ADK: variants seen among roughly 807,000 people sequenced by gnomAD.
ADK encodes the protein N6,N6-dimethyladenosine kinase.
A neutral mutation model predicts 44.7 loss-of-function variants in ADK; 24 were observed. That is an observed-to-expected ratio of 0.54 (90% CI 0.39 to 0.76). The LOEUF (loss-of-function observed/expected upper bound fraction) is 0.76, where lower values mean the gene tolerates loss of function less well. Ranked by LOEUF, ADK falls within the 30% of genes least tolerant of loss-of-function variation. ADK has a pLI of 0.00. For synonymous variants in ADK, 128 were observed against 142.6 expected (o/e 0.90, Z 0.73); for missense variants, 321 against 425.1 (o/e 0.76, Z 2.15).
At chr10:74,620,908 T>C (rs372811331) in intron 9 of ADK, among the ~76,000 whole-genome samples, 21 of 152,224 alleles carry the variant, frequency 1.4e-4, no homozygotes, top group South Asian at 1.2e-3. Context: ...TTTATTTGTT[T>C]GTTTGTTTTT....
intron 6 of ADK, among the ~76,000 whole-genome samples, chr10:74,487,546 C>A (rs1432834883): frequency 2.0e-5 from 3 of 150,946 alleles, no homozygotes; most frequent in Non-Finnish European, 4.4e-5. Context: ...TTTAACCCAT[C>A]TTATTTTGAG....
chr10:74,550,263 G>A (rs1025593252), intron 7 of ADK, among the ~76,000 whole-genome samples: 1 of 151,742 alleles, frequency 6.6e-6, no homozygotes, highest in Non-Finnish European at 1.5e-5. Flanking sequence ...TAGAGACAGG[G>A]TTTCACTGTG....
At chr10:74,529,521 G>A (rs1380135181) in intron 7 of ADK, among the ~76,000 whole-genome samples, 4 of 152,078 alleles carry the variant, frequency 2.6e-5, no homozygotes, top group African/African-American at 9.7e-5. Flanking sequence ...CATATGTATA[G>A]TTTACCACAA....
intron 10 of ADK, among the ~76,000 whole-genome samples, chr10:74,683,735 A>C (rs976438033): frequency 2.0e-5 from 3 of 152,268 alleles, no homozygotes; most frequent in African/African-American, 7.2e-5. Context: ...TATTCAATTG[A>C]AACAAGTAAC....
At chr10:74,402,690 A>T (rs1012019551) in intron 6 of ADK, among the ~76,000 whole-genome samples, 9 of 152,124 alleles carry the variant, frequency 5.9e-5, no homozygotes, top group African/African-American at 2.2e-4. Flanking sequence ...GGGTTCGAAC[A>T]TCCTCCTTTA....
intron 7 of ADK, among the ~76,000 whole-genome samples, chr10:74,534,268 G>C (rs1298005491): frequency 1.3e-5 from 2 of 152,114 alleles, no homozygotes; most frequent in African/African-American, 4.8e-5. Flanking sequence ...TTGTATGTCA[G>C]TTATACCTCA....
chr10:74,353,221 T>C (rs1243104398), intron 4 of ADK, among the ~76,000 whole-genome samples: 1 of 152,070 alleles, frequency 6.6e-6, no homozygotes, highest in Non-Finnish European at 1.5e-5. Flanking sequence ...TGGAATACTA[T>C]GCAGCCATAA....
rs1320423491 is a variant in ADK at position 74,301,652 on chromosome 10, G to T, written c.195-13015G>T. 9.2e-5 allele frequency among the ~76,000 whole-genome samples: 14 copies of T among 151,602 alleles called. No individual in the cohort carries two copies. The East Asian group carries it at 2.5e-3, about 27-fold the overall frequency. ...GTTATTAATATTCCTAAATTTGTCA[G>T]TAAAAGTTTTTTGTTTTATAAGTAC... On this transcript the variant is annotated intron_variant, in intron 3 of 10. Transcript: ENST00000539909.
intron 6 of ADK, among the ~76,000 whole-genome samples, chr10:74,470,603 T>C (rs1255894212): frequency 6.6e-6 from 1 of 152,234 alleles, no homozygotes; most frequent in Non-Finnish European, 1.5e-5. Context: ...TTGAAAAATA[T>C]CTATTCAAGC....
chr10:74,200,156 G>GTTTTT (rs760622376), intron 1 of ADK, among the ~76,000 whole-genome samples: 7 of 99,274 alleles, frequency 7.1e-5, no homozygotes, highest in Non-Finnish European at 1.2e-4. Context: ...GACACCATCT[G>GTTTTT]TTTTTTTTTT....
At chr10:74,329,153 AC>A (rs1841131701) in intron 4 of ADK, among the ~76,000 whole-genome samples, 1 of 150,772 alleles carries the variant, frequency 6.6e-6, no homozygotes, top group African/African-American at 2.4e-5. Flanking sequence ...GGTGTGGAGA[AC>A]CAGACAACAA....
chr10:74,532,690 CAA>C (rs1457155738), intron 7 of ADK, among the ~76,000 whole-genome samples: 1 of 151,832 alleles, frequency 6.6e-6, no homozygotes, highest in Non-Finnish European at 1.5e-5. Flanking sequence ...CATTTGAGGT[CAA>C]GAGTTCTAGA....
At chr10:74,696,634 C>T (rs1373682144) in intron 10 of ADK, among the ~76,000 whole-genome samples, 1 of 151,978 alleles carries the variant, frequency 6.6e-6, no homozygotes, top group Non-Finnish European at 1.5e-5. Context: ...CCTCCCAAAG[C>T]ACTGGGATTA....
intron 9 of ADK, among the ~76,000 whole-genome samples, chr10:74,642,721 T>C (rs1445488814): frequency 6.6e-6 from 1 of 152,012 alleles, no homozygotes; most frequent in Non-Finnish European, 1.5e-5. Flanking sequence ...ACATAATATA[T>C]ATACTTTTAC....
intron 6 of ADK, among the ~76,000 whole-genome samples, chr10:74,491,288 C>G (rs959440136): frequency 6.6e-6 from 1 of 152,034 alleles, no homozygotes; most frequent in African/African-American, 2.4e-5. Flanking sequence ...TTTTACTTTA[C>G]TTTGAGTCAG....
At chr10:74,195,943 C>A (rs1191098612) in intron 1 of ADK, among the ~76,000 whole-genome samples, 1 of 151,844 alleles carries the variant, frequency 6.6e-6, no homozygotes, top group Non-Finnish European at 1.5e-5. Flanking sequence ...TCCCAAAGTG[C>A]TGAGATTACA....
chr10:74,201,841 AT>A (rs932378533), intron 2 of ADK, among the ~76,000 whole-genome samples: 9 of 152,078 alleles, frequency 5.9e-5, no homozygotes, highest in African/African-American at 1.9e-4. Flanking sequence ...AGTAAAAAAG[AT>A]TAATGATGAG....
intron 9 of ADK, among the ~76,000 whole-genome samples, chr10:74,651,659 A>G (rs1854279027): frequency 6.6e-6 from 1 of 152,212 alleles, no homozygotes; most frequent in African/African-American, 2.4e-5. Context: ...GGAAAAAAGA[A>G]CATAGATTCA....
At chr10:74,429,646 C>G (rs918527470) in intron 6 of ADK, among the ~76,000 whole-genome samples, 1 of 151,450 alleles carries the variant, frequency 6.6e-6, no homozygotes, top group African/African-American at 2.4e-5. Flanking sequence ...CAGGAACTGT[C>G]TAACATAGAA....
Sources: allele counts gnomAD v4.1 joint callset (sites outside exome capture counted in the v4.1 genomes callset), GRCh38; gene constraint gnomAD v4.1.1; transcripts MANE v1.5; gene names NCBI Gene and HGNC (gene_info 2026-07-23, HGNC 2026-07-21).